FAF1: variants seen among roughly 807,000 people sequenced by gnomAD.
FAF1 encodes the protein Fas associated factor 1, also known as FAS-associated factor 1.
In FAF1, 25 loss-of-function variants were observed where a neutral mutation model predicts 92.5. The ratio of observed to expected loss-of-function variants is 0.27; its 90% CI spans 0.20 to 0.38. The LOEUF (loss-of-function observed/expected upper bound fraction) is 0.38, where lower values mean the gene tolerates loss of function less well. Ranked by LOEUF, FAF1 falls within the 10% of genes least tolerant of loss-of-function variation. FAF1 has a pLI of 1.00. For missense variants in FAF1, 636 were observed against 793.3 expected (o/e 0.80, Z 2.38); for synonymous variants, 234 against 273.2 (o/e 0.86, Z 1.42).
intron 5 of FAF1, among the ~76,000 whole-genome samples, chr1:50,743,941 C>T (rs1179386611): frequency 5.9e-5 from 9 of 151,866 alleles, no homozygotes; most frequent in East Asian, 2.0e-4. Context: ...CGTGGTGGCA[C>T]GCACCTGTAG....
At chr1:50,893,539 A>ACT (rs138929786) in intron 1 of FAF1, among the ~76,000 whole-genome samples, 64 of 146,788 alleles carry the variant, frequency 4.4e-4, no homozygotes, top group African/African-American at 1.2e-3. Context: ...ACAAATGGAG[A>ACT]CTCTCTCTCT....
At chr1:50,857,633 C>G (rs1246262126) in intron 2 of FAF1, among the ~76,000 whole-genome samples, 1 of 151,758 alleles carries the variant, frequency 6.6e-6, no homozygotes, top group Non-Finnish European at 1.5e-5. Flanking sequence ...ACAACTCTGA[C>G]TCTTCTCTCC....
At position 50,767,109 on chromosome 1, in the gene FAF1, C is replaced by A. The variant is rs554144936; in HGVS notation, c.367+20891G>T. ...TTTGGGAGATGAAAAATGAAATGGC[C>A]ATTGTAAGAAAGAACCAAAGTGATC... On this transcript the variant is annotated intron_variant, in intron 4 of 18. Coordinates refer to ENST00000396153, the MANE Select transcript of FAF1 (RefSeq NM_007051.3). Among the ~76,000 whole-genome samples, 55 of 152,040 alleles carry A rather than the reference C, an allele frequency of 3.6e-4. 1 individual carries two copies. The highest frequency in any genetic ancestry group is 1.5e-4 in the Non-Finnish European group (10 of 68,006).
chr1:50,946,957 G>GA (rs1645176645), intron 1 of FAF1, among the ~76,000 whole-genome samples: 1 of 151,898 alleles, frequency 6.6e-6, no homozygotes, highest in Admixed American at 6.6e-5. Flanking sequence ...TGGAAAGATG[G>GA]AAAAAAAGGC....
intron 8 of FAF1, among the ~76,000 whole-genome samples, chr1:50,633,167 C>A (rs1029910059): frequency 5.9e-5 from 9 of 152,170 alleles, no homozygotes; most frequent in African/African-American, 1.7e-4. Context: ...TTGGATGGAA[C>A]AGCCAGCAGG....
chr1:50,906,612 T>C (rs1159292665), intron 1 of FAF1, among the ~76,000 whole-genome samples: 1 of 152,230 alleles, frequency 6.6e-6, no homozygotes, highest in Non-Finnish European at 1.5e-5. Flanking sequence ...GTAAGTTGGA[T>C]TCCTAGGTAT....
intron 3 of FAF1, among the ~76,000 whole-genome samples, chr1:50,793,908 T>C (rs1661652269): frequency 6.6e-6 from 1 of 152,204 alleles, no homozygotes; most frequent in South Asian, 2.1e-4. Flanking sequence ...ATCTGAAACT[T>C]TTTGAGCACT....
At chr1:50,446,715 T>C (rs181470524) in intron 18 of FAF1, among the ~76,000 whole-genome samples, 81 of 152,384 alleles carry the variant, frequency 5.3e-4, no homozygotes, top group Non-Finnish European at 9.3e-4. Context: ...TCTGAGGTAA[T>C]GCTTTTATTT....
At chr1:50,691,336 G>A (rs967199852) in intron 7 of FAF1, among the ~76,000 whole-genome samples, 3 of 151,694 alleles carry the variant, frequency 2.0e-5, no homozygotes, top group Non-Finnish European at 2.9e-5. Context: ...TCCATCTCCC[G>A]GGTTCAAGTG....
chr1:50,634,909 A>G (rs1031809830), intron 8 of FAF1, among the ~76,000 whole-genome samples: 3 of 152,238 alleles, frequency 2.0e-5, no homozygotes, highest in African/African-American at 4.8e-5. Context: ...AAGCAACCCT[A>G]AGGAAAATTT....
intron 8 of FAF1, among the ~76,000 whole-genome samples, chr1:50,597,217 G>A (rs1651863455): frequency 6.6e-6 from 1 of 152,132 alleles, no homozygotes; most frequent in African/African-American, 2.4e-5. Context: ...AATGTCCAGC[G>A]AAAAGGATGG....
intron 18 of FAF1, among the ~76,000 whole-genome samples, chr1:50,456,647 C>T (rs1183900633): frequency 6.6e-6 from 1 of 152,168 alleles, no homozygotes; most frequent in Non-Finnish European, 1.5e-5. Context: ...CAAGTATTTT[C>T]GGAGTGTTTA....
chr1:50,639,007 C>T (rs139385998), intron 8 of FAF1, among the ~76,000 whole-genome samples: 1,989 of 152,244 alleles, frequency 0.013, 38 homozygotes, highest in African/African-American at 0.046. Flanking sequence ...CCTTGGCAAC[C>T]CACTGACTGG....
chr1:50,886,928 C>T (rs140778257), intron 1 of FAF1, among the ~76,000 whole-genome samples: 1 of 152,112 alleles, frequency 6.6e-6, no homozygotes, highest in African/African-American at 2.4e-5. Context: ...GGTATTTCTA[C>T]TTCTAGATCC....
intron 6 of FAF1, among the ~76,000 whole-genome samples, chr1:50,729,811 AAG>A (rs2124471268): frequency 6.6e-6 from 1 of 152,128 alleles, no homozygotes; most frequent in East Asian, 2.0e-4. Context: ...TCACGAAGTC[AAG>A]AGATTGAGAC....
intron 4 of FAF1, among the ~76,000 whole-genome samples, chr1:50,760,660 C>A (rs1040877986): frequency 6.6e-6 from 1 of 152,000 alleles, no homozygotes; most frequent in Non-Finnish European, 1.5e-5. Context: ...ACACAACATA[C>A]CAGAATCTCT....
intron 7 of FAF1, among the ~76,000 whole-genome samples, chr1:50,680,984 C>T (rs1308319769): frequency 6.6e-6 from 1 of 151,954 alleles, no homozygotes; most frequent in East Asian, 1.9e-4. Context: ...TTTACATATA[C>T]AAACTAGCCA....
At chr1:50,457,904 A>T (rs990392240) in intron 18 of FAF1, among the ~76,000 whole-genome samples, 1 of 146,334 alleles carries the variant, frequency 6.8e-6, no homozygotes, top group Admixed American at 6.8e-5. Context: ...TTATTTGGGG[A>T]AGGGTAAATA....
intron 4 of FAF1, among the ~76,000 whole-genome samples, chr1:50,746,245 A>AATATATATATAT (rs1557506291): frequency 2.8e-5 from 2 of 71,532 alleles, no homozygotes; most frequent in Non-Finnish European, 5.0e-5. Context: ...ACCTGAAACG[A>AATATATATATAT]ACATATATAT....
Sources: gnomAD v4.1 joint callset for allele counts (sites outside exome capture counted in the v4.1 genomes callset) on GRCh38, gnomAD v4.1.1 for gene constraint, MANE v1.5 for transcripts, NCBI Gene and HGNC (gene_info 2026-07-23, HGNC 2026-07-21) for gene names.